Variants in RNF145 observed in about 807,000 individuals in gnomAD.
RNF145 encodes ring finger protein 145.
RNF145 carries 12 observed loss-of-function variants against 57.3 expected under a neutral mutation model. The observed-to-expected ratio is 0.21, with a 90% CI of 0.13 to 0.34. The LOEUF is 0.34. RNF145 is among the 10% of genes least tolerant of loss of function. The pLI is 1.00. For synonymous variants in RNF145, 262 were observed against 288.3 expected (o/e 0.91, Z 0.92); for missense variants, 429 against 799.0 (o/e 0.54, Z 5.58).
rs891646648 is a variant in RNF145, at chr5:159,176,695, A to G, written c.558T>C (p.Phe186=). The G allele has an allele frequency of 3.1e-6, 5 of 1,612,432 alleles. No individual in the cohort carries two copies. The highest frequency in any genetic ancestry group is 2.7e-5 in the African/African-American group (2 of 74,862). The change falls in exon 5 of 11, where the codon TTT becomes TTC. Residue 186 remains phenylalanine, a synonymous_variant. Coordinates refer to ENST00000424310, the MANE Select transcript of RNF145 (RefSeq NM_001199383.2). Reference sequence around the variant, plus strand: ...AAGGTACCAAAAGATTAGACCCAAGAAAATAGAGAACTTCCAATCCAGTAA... The same window carrying G: ...AAGGTACCAAAAGATTAGACCCAAGGAAATAGAGAACTTCCAATCCAGTAA... ...MIFTGLEVLY[F]LGSNLLVPYN...
chr5:159,171,649 T>A (rs1178909148), intron 6 of RNF145, among the ~76,000 whole-genome samples: 1 of 152,218 alleles, frequency 6.6e-6, no homozygotes, highest in Non-Finnish European at 1.5e-5. Context: ...AAAAAACCTT[T>A]TTTTTGATTT....
At chr5:159,159,875 C>T (rs1203605361) in intron 10 of RNF145, among the ~76,000 whole-genome samples, 3 of 152,168 alleles carry the variant, frequency 2.0e-5, no homozygotes, top group Non-Finnish European at 4.4e-5. Flanking sequence ...AGTCCCAAAA[C>T]AAGCAGGTGT....
intron 3 of RNF145, among the ~76,000 whole-genome samples, chr5:159,186,141 T>C (rs748607817): frequency 1.3e-5 from 2 of 151,904 alleles, no homozygotes; most frequent in Non-Finnish European, 2.9e-5. Context: ...GGGAGAATTG[T>C]GTGGACCTGG....
At chr5:159,188,244 G>A (rs898955484) in intron 3 of RNF145, among the ~76,000 whole-genome samples, 2 of 152,018 alleles carry the variant, frequency 1.3e-5, no homozygotes, top group Admixed American at 6.6e-5. Flanking sequence ...AAAATTAGCT[G>A]GGCATGGTGG....
At chr5:159,181,625 A>G (rs1272618475) in intron 4 of RNF145, among the ~76,000 whole-genome samples, 2 of 152,154 alleles carry the variant, frequency 1.3e-5, no homozygotes, top group South Asian at 2.1e-4. Flanking sequence ...TTCAACAGCA[A>G]TAAGTAAATT....
chr5:159,158,700 T>G lies in RNF145; in HGVS notation c.1962A>C (p.Lys654Asn), dbSNP rs748546678. Residue 654 changes from lysine (K) to asparagine (N), a missense_variant, in exon 11 of 11, where the codon AAA becomes AAC. Transcript: ENST00000424310. ...CTGATTCAACAGGATGTGCTTCATC[T>G]TTCGCACTGTGAGGATATTCTTTGG... ...FDPKEYPHSA[K>N]DEAHPVESA The G allele has an allele frequency of 6.2e-7, 1 of 1,613,970 alleles. No individual in the cohort carries two copies. Among genetic ancestry groups the G allele is most frequent in the Non-Finnish European group, 8.5e-7 (1 of 1,179,850 alleles).
rs914472266 is a variant in RNF145, at chr5:159,168,787, C to T, written c.1121+86G>A. The T allele has an allele frequency of 3.5e-4, 303 of 876,024 alleles. 2 individuals carry two copies. The highest frequency in any genetic ancestry group is 1.4e-4 in the Non-Finnish European group (87 of 616,684). 54.3% of individuals were successfully genotyped at this position (876,024 alleles called of 1,614,324 possible). Reference sequence around the variant, plus strand: ...AATTACCCATATCCATTTTCTGTCTCTAAATATTCCCTAAATATTTAGACA... The same window carrying T: ...AATTACCCATATCCATTTTCTGTCTTTAAATATTCCCTAAATATTTAGACA... On this transcript the variant is annotated intron_variant, in intron 8 of 10. Transcript: ENST00000424310.
intron 1 of RNF145, among the ~76,000 whole-genome samples, chr5:159,208,414 A>G (rs2113264146): frequency 6.6e-6 from 1 of 152,074 alleles, no homozygotes; most frequent in South Asian, 2.1e-4. Flanking sequence ...CTCATTCCAG[A>G]AAGGGGGTTC....
At chr5:159,202,202 A>G (rs539507666) in intron 2 of RNF145, among the ~76,000 whole-genome samples, 23 of 152,344 alleles carry the variant, frequency 1.5e-4, no homozygotes, top group African/African-American at 4.8e-4. Context: ...AAATATTTCA[A>G]CCTATTCAGA....
intron 3 of RNF145, among the ~76,000 whole-genome samples, chr5:159,184,740 T>C (rs2113168966): frequency 6.6e-6 from 1 of 152,368 alleles, no homozygotes; most frequent in East Asian, 1.9e-4. Context: ...ATGGTTATTA[T>C]AAAAGGTTTT....
chr5:159,201,431 T>A (rs1262617974), intron 2 of RNF145, among the ~76,000 whole-genome samples: 2 of 152,212 alleles, frequency 1.3e-5, no homozygotes, highest in Non-Finnish European at 2.9e-5. Flanking sequence ...AGGTAGGCTA[T>A]CTAAAATGTC....
chr5:159,162,901 A>AT, intron 9 of RNF145, 31 bp downstream of exon 9: 1 of 1,548,828 alleles, frequency 6.5e-7, no homozygotes, highest in South Asian at 1.2e-5. Flanking sequence ...AAAATTGGTT[A>AT]TTATATAGAG....
chr5:159,203,761 T>A (rs2113243718), intron 1 of RNF145, 105 bp from the exon 2 acceptor site: 1 of 676,178 alleles, frequency 1.5e-6, no homozygotes. Context: ...TACAAAACTA[T>A]GTGAGAACGT....
At chr5:159,183,101 TA>T (rs1429332521) in intron 3 of RNF145, among the ~76,000 whole-genome samples, 4 of 152,166 alleles carry the variant, frequency 2.6e-5, no homozygotes, top group Non-Finnish European at 5.9e-5. Flanking sequence ...TTAAAAGAAT[TA>T]AAACAGTTTC....
chr5:159,188,759 C>A (rs1265778676), intron 3 of RNF145, among the ~76,000 whole-genome samples: 7 of 152,066 alleles, frequency 4.6e-5, no homozygotes, highest in African/African-American at 1.4e-4. Flanking sequence ...CAAGCTATAT[C>A]CATTCTATAG....
intron 2 of RNF145, among the ~76,000 whole-genome samples, chr5:159,201,328 C>T (rs1785659523): frequency 6.6e-6 from 1 of 152,190 alleles, no homozygotes; most frequent in African/African-American, 2.4e-5. Flanking sequence ...CCAGCAACTT[C>T]GCTTCTAGTA....
chr5:159,170,360 G>T (rs918232162), intron 6 of RNF145, among the ~76,000 whole-genome samples: 1 of 152,060 alleles, frequency 6.6e-6, no homozygotes, highest in Non-Finnish European at 1.5e-5. Context: ...TTAAAAAAGG[G>T]TTACTTCAAA....
intron 2 of RNF145, among the ~76,000 whole-genome samples, chr5:159,197,711 C>A (rs937554761): frequency 9.2e-5 from 14 of 152,190 alleles, no homozygotes; most frequent in Non-Finnish European, 2.1e-4. Flanking sequence ...CAATCCATAA[C>A]AAACTAAGTT....
intron 4 of RNF145, among the ~76,000 whole-genome samples, chr5:159,177,758 A>G (rs190461549): frequency 6.6e-6 from 1 of 152,168 alleles, no homozygotes; most frequent in East Asian, 1.9e-4. Context: ...CCAGTGTATA[A>G]TGTGGCTATT....
Sources: allele counts gnomAD v4.1 joint callset (sites outside exome capture counted in the v4.1 genomes callset), GRCh38; gene constraint gnomAD v4.1.1; transcripts MANE v1.5; gene names NCBI Gene and HGNC (gene_info 2026-07-23, HGNC 2026-07-21).